Variants in TRIO observed in about 807,000 individuals in gnomAD.
The protein encoded by TRIO is triple functional domain protein.
TRIO carries 58 observed loss-of-function variants against 351.9 expected under a neutral mutation model. The ratio of observed to expected loss-of-function variants is 0.16; its 90% CI spans 0.13 to 0.21. TRIO has a LOEUF of 0.21. TRIO is among the 10% of genes least tolerant of loss of function. The probability of loss-of-function intolerance (pLI) is 1.00; values close to 1 mark genes in which losing one functional copy is unlikely to be tolerated. For missense variants in TRIO, 3,201 were observed against 4,027.8 expected, an observed-to-expected ratio of 0.79 and a Z score of 5.56; for synonymous variants, 1,758 against 1,595.7, an observed-to-expected ratio of 1.10 and a Z score of -2.42.
chr5:14,374,410 C>A, intron 19 of TRIO, 67 bp downstream of exon 19: 3 of 1,245,538 alleles, frequency 2.4e-6, no homozygotes, highest in Non-Finnish European at 3.4e-6. Flanking sequence ...AAGGAGCCTG[C>A]ACGTTGTGTT....
intron 34 of TRIO, among the ~76,000 whole-genome samples, chr5:14,459,664 G>A (rs114124917): frequency 0.01 from 1,586 of 152,252 alleles, 37 homozygotes; most frequent in African/African-American, 0.036. Flanking sequence ...CTTGAACCCG[G>A]GAGGCAGAGA....
rs896389912 is a variant in TRIO at position 14,159,346 on chromosome 5, A to T, written c.157+15464A>T. 1.0e-4 allele frequency among the ~76,000 whole-genome samples: 15 copies of T among 150,244 alleles called. No homozygotes were observed. The East Asian group carries it at 1.5e-3, about 16-fold the overall frequency. ...CAAAAAAAAAAAAAAAGAGAGAGAG[A>T]CTTTGCTTCCCTGTAGATTGTTTCA... On this transcript the variant is annotated intron_variant, in intron 1 of 56. Transcript: ENST00000344204.
chr5:14,284,528 C>A (rs541270433), intron 3 of TRIO, among the ~76,000 whole-genome samples: 1 of 152,138 alleles, frequency 6.6e-6, no homozygotes, highest in Admixed American at 6.5e-5. Context: ...CAGAGGAAGG[C>A]GAATAGTTAA....
At chr5:14,390,331 C>T (rs1746949800) in intron 26 of TRIO, 31 bp downstream of exon 26, 3 of 1,606,580 alleles carry the variant, frequency 1.9e-6, no homozygotes, top group Non-Finnish European at 1.7e-6. Flanking sequence ...TGTTCTCTCC[C>T]AGCTATTAGG....
At chr5:14,162,124 G>A (rs983577203) in intron 1 of TRIO, among the ~76,000 whole-genome samples, 2 of 152,236 alleles carry the variant, frequency 1.3e-5, no homozygotes, top group African/African-American at 4.8e-5. Flanking sequence ...GGAGTAAGGT[G>A]TAAGTGCAGT....
intron 1 of TRIO, among the ~76,000 whole-genome samples, chr5:14,185,492 C>A (rs1270258037): frequency 6.6e-6 from 1 of 152,224 alleles, no homozygotes; most frequent in Non-Finnish European, 1.5e-5. Flanking sequence ...CCAGACTGGC[C>A]ACACACGCAC....
chr5:14,363,003 T>TC (rs1469244657), intron 13 of TRIO, among the ~76,000 whole-genome samples: 1 of 145,318 alleles, frequency 6.9e-6, no homozygotes, highest in Non-Finnish European at 1.5e-5. Flanking sequence ...TCTATCTACT[T>TC]TTTTTTTTTT....
chr5:14,269,190 CTG>C (rs150571495), intron 1 of TRIO, among the ~76,000 whole-genome samples: 1 of 152,148 alleles, frequency 6.6e-6, no homozygotes, highest in Non-Finnish European at 1.5e-5. Flanking sequence ...GCTGTGAAGT[CTG>C]TGGTAATTGT....
At position 14,387,715 on chromosome 5, in the gene TRIO, G is replaced by T. The variant is rs368740355; in HGVS notation, c.3766-17G>T. On this transcript the variant is annotated splice_polypyrimidine_tract_variant and intron_variant, in intron 22 of 56. Transcript: ENST00000344204. Reference sequence around the variant, plus strand: ...CTGATTTAATTAACTGAGTTCATTGGCTCTGTTATTCCACAGAGTAAAAGT... The same window carrying T: ...CTGATTTAATTAACTGAGTTCATTGTCTCTGTTATTCCACAGAGTAAAAGT... 6.2e-7 allele frequency: 1 copy of T among 1,611,500 alleles called. No homozygotes were observed. Among genetic ancestry groups the T allele is most frequent in the Non-Finnish European group, 8.5e-7 (1 of 1,177,758 alleles).
intron 49 of TRIO, among the ~76,000 whole-genome samples, chr5:14,496,303 G>A (rs1210082051): frequency 5.3e-5 from 8 of 152,192 alleles, no homozygotes; most frequent in African/African-American, 1.2e-4. Flanking sequence ...TCTAGAAGTG[G>A]ATTTATGATG....
intron 20 of TRIO, among the ~76,000 whole-genome samples, chr5:14,378,957 T>A (rs7706484): frequency 6.6e-6 from 1 of 152,146 alleles, no homozygotes; most frequent in African/African-American, 2.4e-5. Context: ...GATGAAGTGC[T>A]TCTGCCTGTA....
chr5:14,202,756 A>G (rs1050495299), intron 1 of TRIO, among the ~76,000 whole-genome samples: 4 of 149,828 alleles, frequency 2.7e-5, no homozygotes, highest in Non-Finnish European at 3.0e-5. Context: ...ACTCTGTACA[A>G]TGGGGCCTCA....
chr5:14,406,014 G>C (rs766792580), intron 32 of TRIO, 24 bp downstream of exon 32: 3 of 1,606,590 alleles, frequency 1.9e-6, no homozygotes, highest in Admixed American at 3.3e-5. Flanking sequence ...CGCCACTGGA[G>C]GTTTGTGGAT....
chr5:14,496,407 G>A (rs572160338), intron 49 of TRIO, among the ~76,000 whole-genome samples: 1 of 152,332 alleles, frequency 6.6e-6, no homozygotes, highest in East Asian at 1.9e-4. Context: ...GGTGCAGGCT[G>A]AGCCTGAAGA....
At chr5:14,359,210 G>T in intron 12 of TRIO, 147 bp from the exon 13 acceptor site, 2 of 867,934 alleles carry the variant, frequency 2.3e-6, no homozygotes, top group East Asian at 2.7e-5. Context: ...ATATTGTTTT[G>T]CAGGAGAGCA....
intron 1 of TRIO, among the ~76,000 whole-genome samples, chr5:14,208,192 A>G (rs79276173): frequency 2.6e-5 from 1 of 38,930 alleles, no homozygotes; most frequent in Non-Finnish European, 9.1e-5. Flanking sequence ...TGTCTGCACA[A>G]AGACTTTTCT....
intron 10 of TRIO, 112 bp from the exon 11 acceptor site, chr5:14,336,424 T>A (rs2152319187): frequency 9.0e-7 from 1 of 1,105,420 alleles, no homozygotes; most frequent in African/African-American, 1.6e-5. Flanking sequence ...TTGATTCATG[T>A]AAGTGATCAA....
At chr5:14,444,153 T>G (rs1255935557) in intron 34 of TRIO, among the ~76,000 whole-genome samples, 1 of 152,082 alleles carries the variant, frequency 6.6e-6, no homozygotes, top group Non-Finnish European at 1.5e-5. Flanking sequence ...TTTTATAAAT[T>G]AAAGGGAAAC....
intron 34 of TRIO, among the ~76,000 whole-genome samples, chr5:14,455,793 C>T (rs1753247094): frequency 6.6e-6 from 1 of 152,394 alleles, no homozygotes; most frequent in East Asian, 1.9e-4. Flanking sequence ...TAAAAGTTCT[C>T]CAAGTCCCCA....
Sources: allele counts gnomAD v4.1 joint callset (sites outside exome capture counted in the v4.1 genomes callset), GRCh38; gene constraint gnomAD v4.1.1; transcripts MANE v1.5; gene names NCBI Gene and HGNC (gene_info 2026-07-23, HGNC 2026-07-21).